Variants in TBCD observed in about 807,000 individuals in gnomAD.
The protein encoded by TBCD is tubulin-specific chaperone D.
A neutral mutation model predicts 169.3 loss-of-function variants in TBCD; 105 were observed. That is an observed-to-expected ratio of 0.62 (90% CI 0.53 to 0.73). The LOEUF (loss-of-function observed/expected upper bound fraction) is 0.73. Among genes scored for constraint, TBCD ranks in the 30% least tolerant of loss-of-function variants. The pLI, the probability that TBCD is intolerant of heterozygous loss-of-function variation, is 0.00. For missense variants in TBCD, 1,444 were observed against 1,600.1 expected, an observed-to-expected ratio of 0.90 and a Z score of 1.66; for synonymous variants, 700 against 643.9, an observed-to-expected ratio of 1.09 and a Z score of -1.32.
intron 7 of TBCD, among the ~76,000 whole-genome samples, chr17:82,795,093 T>C (rs953998250): frequency 1.3e-5 from 2 of 152,244 alleles, no homozygotes; most frequent in South Asian, 2.1e-4. Flanking sequence ...ACCACTTGTA[T>C]CTTAGTCTGC....
intron 2 of TBCD, among the ~76,000 whole-genome samples, chr17:82,760,212 G>A (rs949441333): frequency 2.0e-5 from 3 of 152,086 alleles, no homozygotes; most frequent in African/African-American, 7.2e-5. Flanking sequence ...ATTTTGCCTG[G>A]CATCCTTTCC....
intron 23 of TBCD, among the ~76,000 whole-genome samples, chr17:82,919,156 G>A (rs928790732): frequency 7.9e-4 from 120 of 152,222 alleles, no homozygotes; most frequent in African/African-American, 2.8e-3. Flanking sequence ...CTCGCCCGGC[G>A]CTTCCTTTCT....
In TBCD at chr17:82,806,254, G is replaced by A. The variant is rs567171340; in HGVS notation, c.1087+243G>A. ...TTTCCCACCGCCTCGCCTCCTTCCT[G>A]ACCTGGGCTGCCTGTTCTGGGCAGC... On this transcript the variant is annotated intron_variant, in intron 10 of 38. Coordinates refer to ENST00000355528, the MANE Select transcript of TBCD (RefSeq NM_005993.5). The surrounding 1 kb of genome is among the most constrained non-coding windows in gnomAD (Gnocchi z 5.1). Among the ~76,000 whole-genome samples, 8 of 152,202 alleles carry A rather than the reference G, an allele frequency of 5.3e-5. No homozygotes were observed. The East Asian group carries it at 1.6e-3, about 29-fold the overall frequency.
At chr17:82,807,963 C>G (rs938548048) in intron 11 of TBCD, among the ~76,000 whole-genome samples, 3 of 152,228 alleles carry the variant, frequency 2.0e-5, no homozygotes, top group African/African-American at 7.2e-5. Flanking sequence ...CTGTGCCCCC[C>G]ACCTATCGTT....
chr17:82,775,472 T>C (rs2048540241), intron 6 of TBCD, among the ~76,000 whole-genome samples: 3 of 152,116 alleles, frequency 2.0e-5, no homozygotes, highest in Admixed American at 2.0e-4. Flanking sequence ...CGAGGGGTCC[T>C]GTGCCAGCAT....
chr17:82,859,846 G>T (rs1047869336), intron 13 of TBCD: 1 of 985,334 alleles, frequency 1.0e-6, no homozygotes, highest in African/African-American at 1.7e-5. Flanking sequence ...GGTGAGTTGG[G>T]AACAGAAAGA....
At chr17:82,802,720 C>G (rs1256467786) in intron 9 of TBCD, among the ~76,000 whole-genome samples, 1 of 152,232 alleles carries the variant, frequency 6.6e-6, no homozygotes, top group South Asian at 2.1e-4. Flanking sequence ...GCTGGCTGAA[C>G]GAGGCCCCCT....
intron 13 of TBCD, chr17:82,830,851 G>T: frequency 6.2e-7 from 1 of 1,613,042 alleles, no homozygotes; most frequent in South Asian, 1.1e-5. Flanking sequence ...GGTCGGAGCA[G>T]GAGGGTCTCC....
At chr17:82,792,919 C>T (rs113954309) in intron 7 of TBCD, among the ~76,000 whole-genome samples, 2 of 152,052 alleles carry the variant, frequency 1.3e-5, no homozygotes, top group Non-Finnish European at 2.9e-5. Flanking sequence ...GACGCCACCA[C>T]ACCTGGCTAA....
chr17:82,843,643 C>G (rs1324936519), intron 13 of TBCD, among the ~76,000 whole-genome samples: 4 of 150,964 alleles, frequency 2.6e-5, no homozygotes, highest in African/African-American at 4.9e-5. Flanking sequence ...CCAGCTTAAT[C>G]GTCTTGCTGC....
At chr17:82,892,409 A>G (rs999842114) in intron 16 of TBCD, among the ~76,000 whole-genome samples, 1 of 152,070 alleles carries the variant, frequency 6.6e-6, no homozygotes, top group Admixed American at 6.5e-5. Context: ...TCATGCTGTC[A>G]CTGATTGCAG....
At chr17:82,766,407 G>A (rs558237528) in intron 4 of TBCD, 39 bp downstream of exon 4, 38 of 1,509,664 alleles carry the variant, frequency 2.5e-5, no homozygotes, top group African/African-American at 2.2e-4. Context: ...CCAGCCCTCC[G>A]TGCCTGTCCT....
chr17:82,787,405 C>G (rs1211845258), intron 7 of TBCD, among the ~76,000 whole-genome samples: 2 of 152,238 alleles, frequency 1.3e-5, no homozygotes, highest in Non-Finnish European at 2.9e-5. Context: ...TCCAGAGCGT[C>G]TGAAGCCCTG....
chr17:82,783,164 C>T (rs533131991), intron 7 of TBCD, among the ~76,000 whole-genome samples: 1 of 152,272 alleles, frequency 6.6e-6, no homozygotes, highest in East Asian at 1.9e-4. Context: ...GGGAAGTGTC[C>T]TCCTCAATGT....
chr17:82,926,811 G>A lies in TBCD; in HGVS notation c.2471+320G>A, dbSNP rs549543311. On this transcript the variant is annotated intron_variant, in intron 28 of 38. Transcript: ENST00000355528. ...GATCTCTGCACTCGTTGACAGACAC[G>A]CACCTGGGGCCACGCCATATGCCCT... 5.3e-5 allele frequency: 27 copies of A among 508,246 alleles called. No individual in the cohort carries two copies. The East Asian group carries it at 5.6e-4, about 11-fold the overall frequency. 31.5% of individuals were successfully genotyped at this position (508,246 alleles called of 1,614,324 possible). A position where few individuals can be genotyped will look rare whatever the true frequency, so the allele number is the denominator to read the frequency against.
At chr17:82,929,886 A>G in intron 32 of TBCD, 1 of 381,470 alleles carries the variant, frequency 2.6e-6, no homozygotes, top group Non-Finnish European at 5.0e-6. Flanking sequence ...CCAGCTTCTC[A>G]TGTCTGTGGG....
Position 82,830,919 on chromosome 17 carries a change from A to T in TBCD, c.1318+15985A>T, listed in dbSNP as rs755072368. On this transcript the variant is annotated intron_variant, in intron 13 of 38. Coordinates refer to ENST00000355528, the MANE Select transcript of TBCD (RefSeq NM_005993.5). ...AAAAGCTTAGTAGGAGCTTGCTTAG[A>T]AAAGCAACTGCGTGAAGCAGTGTGA... 39 of 1,613,028 alleles carry T rather than the reference A, an allele frequency of 2.4e-5. No individual in the cohort carries two copies. The African/African-American group carries it at 3.6e-4, about 15-fold the overall frequency.
In TBCD at chr17:82,801,736, G is replaced by A. The variant is rs565844149; in HGVS notation, c.950+740G>A. ...GGAGTCAGCGTGGCAGGAGGGTGAC[G>A]TGTGCGTGATCGTGTGGCTCAGGGT... On this transcript the variant is annotated intron_variant, in intron 9 of 38. Transcript: ENST00000355528. Among the ~76,000 whole-genome samples, 5 of 140,348 alleles carry A rather than the reference G, an allele frequency of 3.6e-5. No homozygotes were observed. The East Asian group carries it at 1.1e-3, about 31-fold the overall frequency. The allele number at this position is 140,348 out of a possible 152,430, so 92.1% of individuals were successfully genotyped here. A position where few individuals can be genotyped will look rare whatever the true frequency, so the allele number is the denominator to read the frequency against.
intron 6 of TBCD, among the ~76,000 whole-genome samples, chr17:82,774,901 T>C (rs551301773): frequency 2.0e-5 from 3 of 152,364 alleles, no homozygotes; most frequent in Admixed American, 2.0e-4. Flanking sequence ...TCCCCGTCTT[T>C]TCCAGTTGGG....
Sources: allele counts gnomAD v4.1 joint callset (sites outside exome capture counted in the v4.1 genomes callset), GRCh38; gene constraint gnomAD v4.1.1; non-coding constraint Gnocchi (gnomAD v3.1); transcripts MANE v1.5; gene names NCBI Gene and HGNC (gene_info 2026-07-23, HGNC 2026-07-21).